The following NTSR2 variants were observed in gnomAD, a reference collection of about 807,000 sequenced individuals.
NTSR2 encodes neurotensin receptor type 2.
A neutral mutation model predicts 24.1 loss-of-function variants in NTSR2; 22 were observed. That is an observed-to-expected ratio of 0.91 (90% CI 0.65 to 1.30). The LOEUF (loss-of-function observed/expected upper bound fraction) is 1.30. Among genes scored for constraint, NTSR2 ranks in the 50% most tolerant of loss-of-function variants. The probability of loss-of-function intolerance (pLI) is 0.00; values close to 1 mark genes in which losing one functional copy is unlikely to be tolerated. For synonymous variants in NTSR2, 291 were observed against 267.0 expected (o/e 1.09, Z -0.88); for missense variants, 570 against 570.4 (o/e 1.00, Z 0.01).
At chr2:11,667,000 C>T (rs148175087) in intron 1 of NTSR2, among the ~76,000 whole-genome samples, 31 of 152,330 alleles carry the variant, frequency 2.0e-4, no homozygotes, top group Non-Finnish European at 3.1e-4. Flanking sequence ...ATATTCTGGG[C>T]AATTCCACAT....
intron 3 of NTSR2, 76 bp from the exon 4 acceptor site, chr2:11,658,798 C>T: frequency 2.0e-6 from 3 of 1,525,848 alleles, no homozygotes; most frequent in Non-Finnish European, 2.7e-6. Context: ...TGGAGAATGC[C>T]TCTCCTCCAG....
At position 11,669,456 on chromosome 2, in the gene NTSR2, C is replaced by CCCCGGGGGGGGGGGGGGGGG; in HGVS notation, c.624+49_624+50insCCCCCCCCCCCCCCCCCGGG. The stretch of plus-strand genomic sequence containing the variant: ...GGGAGAGGGGGTTCCCTCCTCCCAG[C>CCCCGGGGGGGGGGGGGGGGG]ACCGCCCCCCCACCCCCCCTCCCCC... On this transcript the variant is annotated intron_variant, in intron 1 of 3. Transcript: ENST00000306928. The CCCCGGGGGGGGGGGGGGGGG allele has an allele frequency of 1.2e-5, 4 of 331,924 alleles. 1 individual carries two copies. The highest frequency in any genetic ancestry group is 1.6e-5 in the Non-Finnish European group (3 of 183,744). 20.6% of individuals were successfully genotyped at this position (331,924 alleles called of 1,614,324 possible). A position where few individuals can be genotyped will look rare whatever the true frequency, so the allele number is the denominator to read the frequency against.
At position 11,658,388 on chromosome 2, in the gene NTSR2, T is replaced by C. The variant is rs1309019280; in HGVS notation, c.*91A>G. The C allele has an allele frequency of 4.0e-6, 6 of 1,505,722 alleles. No individual in the cohort carries two copies. The highest frequency in any genetic ancestry group is 5.3e-6 in the Non-Finnish European group (6 of 1,125,480). The allele number at this position is 1,505,722 out of a possible 1,614,324, so 93.3% of individuals were successfully genotyped here. On this transcript the variant is annotated 3_prime_UTR_variant, in exon 4 of 4. Coordinates refer to ENST00000306928, the MANE Select transcript of NTSR2 (RefSeq NM_012344.4). ...ATAGAAGTCGCCCTGGCTGCGAAGC[T>C]TGAATGATTAGTGATGAGGTTGCTC...
At chr2:11,669,477 C>T (rs561597675) in intron 1 of NTSR2, 29 bp downstream of exon 1, 4 of 682,188 alleles carry the variant, frequency 5.9e-6, no homozygotes, top group African/African-American at 1.9e-5. Flanking sequence ...CACCCCCCCT[C>T]CCCCGACTCC....
intron 3 of NTSR2, among the ~76,000 whole-genome samples, chr2:11,659,793 C>T (rs1406482328): frequency 2.0e-5 from 3 of 152,194 alleles, no homozygotes; most frequent in Non-Finnish European, 2.9e-5. Context: ...TCTCTTTCTC[C>T]TGTAGTGAGA....
chr2:11,667,565 G>A (rs964009523), intron 1 of NTSR2, among the ~76,000 whole-genome samples: 22 of 152,168 alleles, frequency 1.4e-4, no homozygotes, highest in Admixed American at 1.1e-3. Context: ...GGCTGGTCTC[G>A]AACTCCTGGC....
intron 1 of NTSR2, 44 bp downstream of exon 1, chr2:11,669,460 GCC>G: frequency 3.1e-5 from 8 of 254,718 alleles, no homozygotes; most frequent in Non-Finnish European, 4.8e-5. Context: ...TCCCAGCACC[GCC>G]CCCCCACCCC....
chr2:11,659,846 C>T (rs1179092313), intron 3 of NTSR2, among the ~76,000 whole-genome samples, 197 bp downstream of exon 3: 1 of 152,196 alleles, frequency 6.6e-6, no homozygotes, highest in Non-Finnish European at 1.5e-5. Flanking sequence ...ACGGCCTTAC[C>T]AGGTCAGATA....
chr2:11,666,295 C>T (rs1468494806), intron 1 of NTSR2, among the ~76,000 whole-genome samples: 5 of 152,186 alleles, frequency 3.3e-5, no homozygotes, highest in African/African-American at 1.2e-4. Flanking sequence ...ACCAAACTCT[C>T]ACACCCCTTT....
chr2:11,666,433 G>T (rs1011302543), intron 1 of NTSR2, among the ~76,000 whole-genome samples: 1 of 152,222 alleles, frequency 6.6e-6, no homozygotes, highest in African/African-American at 2.4e-5. Flanking sequence ...GGGCGTGGTG[G>T]CTCACGGCTA....
chr2:11,668,976 G>A (rs1011766147), intron 1 of NTSR2, among the ~76,000 whole-genome samples: 9 of 152,122 alleles, frequency 5.9e-5, no homozygotes, highest in East Asian at 5.8e-4. Context: ...CGGGGAAAGC[G>A]GGAGCAAGAG....
At chr2:11,669,461 C>CGGGGGGGG in intron 1 of NTSR2, 45 bp downstream of exon 1, 2 of 137,946 alleles carry the variant, frequency 1.4e-5, no homozygotes, top group Non-Finnish European at 2.9e-5. Context: ...CCCAGCACCG[C>CGGGGGGGG]CCCCCCACCC....
chr2:11,664,155 C>T (rs981793113), intron 1 of NTSR2, among the ~76,000 whole-genome samples: 2 of 140,136 alleles, frequency 1.4e-5, no homozygotes, highest in African/African-American at 5.3e-5. Context: ...GAGACGAGGT[C>T]GCCCAGACTA....
Position 11,658,650 on chromosome 2 carries a change from A to T in NTSR2, c.1062T>A (p.Thr354=), listed in dbSNP as rs1225198576. ...AGGACACGGCGTTGTAGAGAAGAGG[A>T]GTCACAGCTGAGCTGACGTAGAAAA... The part of the protein sequence containing the change: ...NTLFYVSSAV[T]PLLYNAVSSS... Residue 354 remains threonine (T), a synonymous_variant, in exon 4 of 4, where the codon ACT becomes ACA. Transcript: ENST00000306928. 6.2e-7 allele frequency: 1 copy of T among 1,614,120 alleles called. No individual in the cohort carries two copies.
intron 1 of NTSR2, among the ~76,000 whole-genome samples, chr2:11,662,677 A>C (rs1458537719): frequency 6.6e-6 from 1 of 152,202 alleles, no homozygotes; most frequent in East Asian, 1.9e-4. Context: ...GCTACTCGGG[A>C]GGCTGAGCCA....
chr2:11,669,460 G>GGGGGGGGGGCCCCCC, intron 1 of NTSR2, 46 bp downstream of exon 1: 1 of 254,726 alleles, frequency 3.9e-6, no homozygotes, highest in East Asian at 5.5e-5. Context: ...TCCCAGCACC[G>GGGGGGGGGGCCCCCC]CCCCCCCACC....
rs80254523 is a variant in NTSR2, at chr2:11,658,829, A to C, written c.990-107T>G. On this transcript the variant is annotated intron_variant, in intron 3 of 3. Coordinates refer to ENST00000306928, the MANE Select transcript of NTSR2 (RefSeq NM_012344.4). ...TCCAGAGGGCTGCATGACGAAGCCT[A>C]TTTTCTGCTATCAGGAAGCACAGTG... is the stretch of plus-strand genomic sequence containing the variant. The C allele has an allele frequency of 8.7e-3, 10,984 of 1,262,678 alleles. 576 individuals carry two copies. In the Admixed American group the frequency reaches 0.11, roughly 13 times the overall value. 78.2% of individuals were successfully genotyped at this position (1,262,678 alleles called of 1,614,324 possible).
chr2:11,662,104 A>G lies in NTSR2; in HGVS notation c.761T>C (p.Leu254Pro). The change falls in exon 2 of 4, where the codon CTG becomes CCG. Residue 254 changes from leucine (L) to proline (P), a missense_variant. By Grantham distance (98) the Leu-to-Pro change is moderately conservative. Transcript: ENST00000306928. Reference protein sequence around the residue: ...STPGSSTPSRLELLSEEGLLS... With the variant: ...STPGSSTPSRPELLSEEGLLS... ...GAGACCCTCCTCACTCAGCAGCTCC[A>G]GGCGGCTGGGGGTGGAGCTGCCCGG... The G allele has an allele frequency of 6.2e-7, 1 of 1,613,354 alleles. No individual in the cohort carries two copies. Among genetic ancestry groups the G allele is most frequent in the Non-Finnish European group, 8.5e-7 (1 of 1,179,792 alleles).
intron 1 of NTSR2, among the ~76,000 whole-genome samples, chr2:11,664,058 C>T (rs145709577): frequency 2.0e-5 from 3 of 151,438 alleles, no homozygotes; most frequent in Admixed American, 2.0e-4. Context: ...TCAATGTGTT[C>T]TAGGGTTTCC....
Sources: allele counts gnomAD v4.1 joint callset (sites outside exome capture counted in the v4.1 genomes callset), GRCh38; gene constraint gnomAD v4.1.1; transcripts MANE v1.5; gene names NCBI Gene and HGNC (gene_info 2026-07-23, HGNC 2026-07-21).